ALOX5: variants seen among roughly 807,000 people sequenced by gnomAD.
ALOX5 encodes polyunsaturated fatty acid 5-lipoxygenase.
In ALOX5, 64 loss-of-function variants were observed where a neutral mutation model predicts 87.9. The observed-to-expected ratio is 0.73, with a 90% CI of 0.60 to 0.90. The LOEUF (loss-of-function observed/expected upper bound fraction) is 0.90, where lower values mean the gene tolerates loss of function less well. ALOX5 is among the 40% of genes least tolerant of loss of function. ALOX5 has a pLI of 0.00. For synonymous variants in ALOX5, 388 were observed against 355.1 expected, an observed-to-expected ratio of 1.09 and a Z score of -1.04; for missense variants, 822 against 907.5, an observed-to-expected ratio of 0.91 and a Z score of 1.21.
chr10:45,387,979 A>C (rs1244532401), intron 2 of ALOX5, among the ~76,000 whole-genome samples: 2 of 152,186 alleles, frequency 1.3e-5, no homozygotes, highest in Non-Finnish European at 2.9e-5. Flanking sequence ...CAGCCCATTG[A>C]GTGTGAGCAT....
intron 7 of ALOX5, 63 bp downstream of exon 7, chr10:45,428,827 G>T: frequency 1.3e-6 from 2 of 1,589,718 alleles, no homozygotes; most frequent in Non-Finnish European, 8.6e-7. Context: ...GGGCTCCTGG[G>T]TGGCTCCATT....
chr10:45,443,000 G>A (rs1223792332), intron 9 of ALOX5, 38 bp from the exon 10 acceptor site: 1 of 1,587,386 alleles, frequency 6.3e-7, no homozygotes. Flanking sequence ...AGCTGTGGGA[G>A]GAGCCACCCG....
At chr10:45,427,541 C>T (rs375785814) in intron 6 of ALOX5, among the ~76,000 whole-genome samples, 1 of 152,226 alleles carries the variant, frequency 6.6e-6, no homozygotes, top group East Asian at 1.9e-4. Context: ...TGCGTGCCGC[C>T]GGGCAGCCCG....
chr10:45,410,369 T>C (rs1292086921), intron 3 of ALOX5, among the ~76,000 whole-genome samples: 1 of 152,228 alleles, frequency 6.6e-6, no homozygotes, highest in Non-Finnish European at 1.5e-5. Flanking sequence ...TTGGCATTAA[T>C]ACAAACAGCA....
chr10:45,399,466 C>T (rs1344459137), intron 3 of ALOX5, among the ~76,000 whole-genome samples: 5 of 152,246 alleles, frequency 3.3e-5, no homozygotes, highest in East Asian at 1.9e-4. Flanking sequence ...ATTTCAATAA[C>T]GCTGCTAGAT....
intron 2 of ALOX5, among the ~76,000 whole-genome samples, chr10:45,385,863 C>A (rs956237609): frequency 1.3e-5 from 2 of 152,162 alleles, no homozygotes; most frequent in African/African-American, 4.8e-5. Flanking sequence ...GTCGGGTGGA[C>A]AGCTCAGAAT....
rs182401295 is a variant in ALOX5 at position 45,382,569 on chromosome 10, C to T, written c.237C>T (p.Asp79=). Residue 79 remains aspartate (D), a synonymous_variant, in exon 2 of 14, where the codon GAC becomes GAT. Transcript: ENST00000374391. ...AGAAGCGCAAGTACTGGCTGAATGA[C>T]GACTGGTACCTGAAGTACATCACGC... is the stretch of plus-strand genomic sequence containing the variant. ...RIEKRKYWLN[D]DWYLKYITLK... is the part of the protein sequence containing the mutation. The T allele has an allele frequency of 2.5e-4, 399 of 1,614,184 alleles. No individual in the cohort carries two copies. The highest frequency in any genetic ancestry group is 7.3e-4 in the Admixed American group (44 of 60,010).
chr10:45,391,970 C>A (rs1367544591), intron 2 of ALOX5, among the ~76,000 whole-genome samples: 2 of 151,904 alleles, frequency 1.3e-5, no homozygotes, highest in Non-Finnish European at 2.9e-5. Flanking sequence ...CGGCAGCCAC[C>A]CTGTCCGGGA....
chr10:45,421,507 C>A (rs1841507558), intron 4 of ALOX5, among the ~76,000 whole-genome samples: 1 of 152,242 alleles, frequency 6.6e-6, no homozygotes, highest in South Asian at 2.1e-4. Flanking sequence ...TTTCCCCACC[C>A]AGACTGACAC....
chr10:45,408,669 G>A (rs922048869), intron 3 of ALOX5, among the ~76,000 whole-genome samples: 17 of 152,142 alleles, frequency 1.1e-4, no homozygotes, highest in Admixed American at 9.8e-4. Flanking sequence ...AATGAGGCAC[G>A]TTTAGCCACC....
chr10:45,380,698 T>C (rs1839795068), intron 1 of ALOX5, among the ~76,000 whole-genome samples: 1 of 152,124 alleles, frequency 6.6e-6, no homozygotes, highest in Non-Finnish European at 1.5e-5. Flanking sequence ...TCCCAGCACT[T>C]TGGGAGACCG....
intron 3 of ALOX5, among the ~76,000 whole-genome samples, chr10:45,406,262 G>T (rs1168218778): frequency 6.6e-6 from 1 of 152,182 alleles, no homozygotes; most frequent in East Asian, 1.9e-4. Flanking sequence ...CTGGATAAGT[G>T]TTGGCGAGTT....
intron 3 of ALOX5, among the ~76,000 whole-genome samples, chr10:45,409,499 C>T (rs1417209369): frequency 1.5e-5 from 2 of 129,254 alleles, no homozygotes; most frequent in African/African-American, 5.6e-5. Context: ...TAGGATCTCT[C>T]TGTCTGTCTG....
At position 45,428,784 on chromosome 10, in the gene ALOX5, A is replaced by G. The variant is rs1245408983; in HGVS notation, c.981+20A>G. 1 of 1,612,994 alleles carries G rather than the reference A, an allele frequency of 6.2e-7. No homozygotes were observed. The highest frequency in any genetic ancestry group is 1.1e-5 in the South Asian group (1 of 91,000). On this transcript the variant is annotated intron_variant, in intron 7 of 13. Transcript: ENST00000374391. ...ATCCAGGTAGGCTGCTGGGGGGCAC[A>G]CCTTTCTGAGCAGCTCAGTCCTCTG...
At chr10:45,433,131 GA>G (rs1234784759) in intron 7 of ALOX5, among the ~76,000 whole-genome samples, 1 of 152,252 alleles carries the variant, frequency 6.6e-6, no homozygotes, top group Non-Finnish European at 1.5e-5. Context: ...TGCCTGGTTG[GA>G]AAAACAAAGG....
chr10:45,433,396 C>T (rs554609195), intron 7 of ALOX5, among the ~76,000 whole-genome samples: 2 of 152,318 alleles, frequency 1.3e-5, no homozygotes, highest in South Asian at 4.2e-4. Flanking sequence ...AGTTGTGTTA[C>T]CGAGCTGGAC....
At chr10:45,438,399 C>T (rs1197830626) in intron 7 of ALOX5, among the ~76,000 whole-genome samples, 2 of 152,156 alleles carry the variant, frequency 1.3e-5, no homozygotes, top group Non-Finnish European at 2.9e-5. Context: ...GAATATCTGC[C>T]TTGCAGGGTC....
chr10:45,409,491 G>C (rs1840987911), intron 3 of ALOX5, among the ~76,000 whole-genome samples: 1 of 143,604 alleles, frequency 7.0e-6, no homozygotes, highest in Non-Finnish European at 1.5e-5. Context: ...CATCCCCTTA[G>C]GATCTCTCTG....
intron 6 of ALOX5, chr10:45,428,363 A>G: frequency 1.9e-6 from 1 of 526,336 alleles, no homozygotes. Flanking sequence ...CGTGCCAGTC[A>G]AGCAGGTTTC....
Sources: allele counts gnomAD v4.1 joint callset (sites outside exome capture counted in the v4.1 genomes callset), GRCh38; gene constraint gnomAD v4.1.1; transcripts MANE v1.5; gene names NCBI Gene and HGNC (gene_info 2026-07-23, HGNC 2026-07-21).